The following GJB7 variants were observed in gnomAD, a reference collection of about 807,000 sequenced individuals.
The protein encoded by GJB7 is gap junction beta-7 protein.
For missense variants in GJB7, 253 were observed against 256.8 expected (o/e 0.99, Z 0.10); for synonymous variants, 87 against 95.2 (o/e 0.91, Z 0.50).
intron 2 of GJB7, among the ~76,000 whole-genome samples, chr6:87,311,919 A>G (rs1051633473): frequency 6.6e-6 from 1 of 152,156 alleles, no homozygotes; most frequent in Non-Finnish European, 1.5e-5. Flanking sequence ...TTAGACATCA[A>G]TGGGAATGAA....
At chr6:87,311,273 T>G (rs922871694) in intron 2 of GJB7, among the ~76,000 whole-genome samples, 1 of 152,194 alleles carries the variant, frequency 6.6e-6, no homozygotes, top group Non-Finnish European at 1.5e-5. Context: ...TGGTTACCAA[T>G]GACTTAGCAA....
intron 1 of GJB7, among the ~76,000 whole-genome samples, chr6:87,328,626 C>T (rs567522664): frequency 1.9e-4 from 29 of 152,096 alleles, no homozygotes; most frequent in African/African-American, 6.0e-4. Context: ...TCTCCAGCTG[C>T]GTGCTGGGAG....
At chr6:87,326,121 A>G (rs1181101005) in intron 1 of GJB7, among the ~76,000 whole-genome samples, 1 of 152,100 alleles carries the variant, frequency 6.6e-6, no homozygotes, top group African/African-American at 2.4e-5. Context: ...TATCCCTTTT[A>G]TCATTTTTTA....
intron 2 of GJB7, among the ~76,000 whole-genome samples, chr6:87,303,681 G>C (rs555817588): frequency 6.6e-6 from 1 of 152,272 alleles, no homozygotes; most frequent in South Asian, 2.1e-4. Flanking sequence ...AGACCTAATA[G>C]ACATCTACAG....
At chr6:87,296,355 A>T (rs78116471) in intron 2 of GJB7, among the ~76,000 whole-genome samples, 1,716 of 152,368 alleles carry the variant, frequency 0.011, 9 homozygotes, top group Non-Finnish European at 0.013. Flanking sequence ...TTTTATATAG[A>T]GACATAAACA....
At chr6:87,284,998 A>AC in intron 2 of GJB7, 59 bp from the exon 3 acceptor site, 3 of 1,065,096 alleles carry the variant, frequency 2.8e-6, no homozygotes, top group Non-Finnish European at 2.7e-6. Flanking sequence ...GATCGTTTCT[A>AC]CTATTTGAGG....
intron 2 of GJB7, among the ~76,000 whole-genome samples, chr6:87,292,725 T>G (rs1375399299): frequency 6.6e-6 from 1 of 152,248 alleles, no homozygotes; most frequent in East Asian, 1.9e-4. Context: ...ATTTTACAGT[T>G]GGAAATGTTT....
chr6:87,302,720 T>A (rs1776353306), intron 2 of GJB7, among the ~76,000 whole-genome samples: 2 of 151,230 alleles, frequency 1.3e-5, no homozygotes, highest in South Asian at 2.1e-4. Context: ...CCAAGACACA[T>A]AATTGTCAGA....
intron 2 of GJB7, among the ~76,000 whole-genome samples, chr6:87,310,362 T>C (rs942838103): frequency 5.9e-5 from 9 of 152,162 alleles, no homozygotes; most frequent in Admixed American, 4.6e-4. Flanking sequence ...AATTAAGAAC[T>C]TGTTAATCAG....
chr6:87,294,923 C>T (rs1167316175), intron 2 of GJB7, among the ~76,000 whole-genome samples: 1 of 152,188 alleles, frequency 6.6e-6, no homozygotes, highest in Non-Finnish European at 1.5e-5. Flanking sequence ...TTATTTCTTA[C>T]TTAACTTCGT....
intron 2 of GJB7, among the ~76,000 whole-genome samples, chr6:87,289,905 C>T (rs965488972): frequency 2.0e-5 from 3 of 152,192 alleles, no homozygotes; most frequent in Non-Finnish European, 1.5e-5. Context: ...AGAGCTGCTT[C>T]GTCATTCCCC....
intron 2 of GJB7, chr6:87,300,119 C>T: frequency 3.4e-6 from 1 of 291,716 alleles, no homozygotes. Flanking sequence ...GATTCATTAA[C>T]TCCAGCTAAT....
intron 2 of GJB7, among the ~76,000 whole-genome samples, chr6:87,288,146 C>A (rs1043433379): frequency 3.9e-5 from 6 of 152,268 alleles, no homozygotes; most frequent in Admixed American, 3.9e-4. Flanking sequence ...TGCGATCCGC[C>A]CACCTCAGCC....
At chr6:87,288,161 G>A (rs576859597) in intron 2 of GJB7, among the ~76,000 whole-genome samples, 9 of 151,970 alleles carry the variant, frequency 5.9e-5, no homozygotes, top group African/African-American at 1.7e-4. Flanking sequence ...TCAGCCTCCC[G>A]AAGTGCTGGG....
intron 2 of GJB7, among the ~76,000 whole-genome samples, chr6:87,297,579 C>A (rs1203577624): frequency 2.9e-4 from 44 of 152,160 alleles, no homozygotes; most frequent in Admixed American, 2.9e-3. Context: ...TAAACAACTA[C>A]ACTAGAGAAA....
chr6:87,308,706 T>C (rs1490144340), intron 2 of GJB7, among the ~76,000 whole-genome samples: 2 of 152,122 alleles, frequency 1.3e-5, no homozygotes, highest in East Asian at 3.8e-4. Flanking sequence ...CAAGAATCTT[T>C]ATGAATCCCA....
chr6:87,328,585 C>T (rs1562221625), intron 1 of GJB7, among the ~76,000 whole-genome samples: 1 of 152,128 alleles, frequency 6.6e-6, no homozygotes, highest in African/African-American at 2.4e-5. Flanking sequence ...GTCAGGGACC[C>T]ACTTGAGGAG....
intron 2 of GJB7, among the ~76,000 whole-genome samples, chr6:87,296,014 T>TTC (rs1562210353): frequency 2.0e-5 from 3 of 152,202 alleles, no homozygotes; most frequent in African/African-American, 7.2e-5. Context: ...GGTTGTTGAG[T>TTC]CAACAAATGA....
At chr6:87,312,550 C>T (rs1040142069) in intron 2 of GJB7, among the ~76,000 whole-genome samples, 2 of 150,982 alleles carry the variant, frequency 1.3e-5, no homozygotes, top group East Asian at 3.9e-4. Flanking sequence ...GTGGTCAAGG[C>T]AAAGCTCTAA....
Sources: gnomAD v4.1 joint callset for allele counts (sites outside exome capture counted in the v4.1 genomes callset) on GRCh38, gnomAD v4.1.1 for gene constraint, MANE v1.5 for transcripts, NCBI Gene and HGNC (gene_info 2026-07-23, HGNC 2026-07-21) for gene names.